The following HP1BP3 variants were observed in gnomAD, a reference collection of about 807,000 sequenced individuals.
The protein encoded by HP1BP3 is heterochromatin protein 1-binding protein 3.
HP1BP3 carries 12 observed loss-of-function variants against 62.5 expected under a neutral mutation model. That is an observed-to-expected ratio of 0.19 (90% confidence interval 0.12 to 0.31). The LOEUF (loss-of-function observed/expected upper bound fraction) is 0.31, where lower values mean the gene tolerates loss of function less well. HP1BP3 is among the 10% of genes least tolerant of loss of function. The probability of loss-of-function intolerance (pLI) is 1.00; values close to 1 mark genes in which losing one functional copy is unlikely to be tolerated. For synonymous variants in HP1BP3, 260 were observed against 237.8 expected (o/e 1.09, Z -0.86); for missense variants, 502 against 651.8 (o/e 0.77, Z 2.50).
chr1:20,766,571 G>A (rs2056794590), intron 7 of HP1BP3, among the ~76,000 whole-genome samples: 1 of 152,202 alleles, frequency 6.6e-6, no homozygotes, highest in African/African-American at 2.4e-5. Flanking sequence ...TTGGGAAGAA[G>A]AATGTTAGTA....
At chr1:20,784,505 G>A (rs1409077516) in intron 1 of HP1BP3, among the ~76,000 whole-genome samples, 4 of 137,994 alleles carry the variant, frequency 2.9e-5, no homozygotes, top group Admixed American at 7.5e-5. Flanking sequence ...TTGAGACCGA[G>A]TCTTGCTCTG....
chr1:20,771,135 C>A, intron 5 of HP1BP3, 62 bp from the exon 6 acceptor site: 1 of 1,340,050 alleles, frequency 7.5e-7, no homozygotes, highest in Non-Finnish European at 1.0e-6. Context: ...CATATATTTT[C>A]AAAATAAATT....
At position 20,745,141 on chromosome 1, in the gene HP1BP3, T is replaced by A; in HGVS notation, c.1368-50A>T. 4.6e-6 allele frequency: 7 copies of A among 1,534,990 alleles called. No individual in the cohort carries two copies. In the Middle Eastern group the frequency reaches 1.2e-3, roughly 263 times the overall value. ...CGTCATTTAGTACTTAAGAGATTCGTTTTGTTGGGACAACCAGATGCTTTC... is the reference window on the plus strand; with the variant it reads ...CGTCATTTAGTACTTAAGAGATTCGATTTGTTGGGACAACCAGATGCTTTC... On this transcript the variant is annotated intron_variant, in intron 12 of 12. Coordinates refer to ENST00000438032, the MANE Select transcript of HP1BP3 (RefSeq NM_001372052.1).
chr1:20,765,927 C>T (rs574947465), intron 7 of HP1BP3, among the ~76,000 whole-genome samples: 5 of 149,878 alleles, frequency 3.3e-5, no homozygotes, highest in South Asian at 2.1e-4. Context: ...ATGGAGCCAC[C>T]GCACTCCAGC....
intron 9 of HP1BP3, among the ~76,000 whole-genome samples, chr1:20,752,385 C>T (rs556625556): frequency 1.3e-5 from 2 of 151,962 alleles, no homozygotes; most frequent in South Asian, 4.2e-4. Flanking sequence ...ACCTCCGCCT[C>T]CCGGATTCCA....
intron 9 of HP1BP3, among the ~76,000 whole-genome samples, chr1:20,756,495 GGGAGATAGAGGCTACA>G (rs1378369845): frequency 1.3e-5 from 2 of 151,980 alleles, no homozygotes; most frequent in Non-Finnish European, 2.9e-5. Context: ...CCTTGAACCT[GGGAGATAGAGGCTACA>G]GTGAGCTGTG....
At chr1:20,752,233 T>G (rs1010782799) in intron 9 of HP1BP3, among the ~76,000 whole-genome samples, 1 of 151,122 alleles carries the variant, frequency 6.6e-6, no homozygotes, top group Non-Finnish European at 1.5e-5. Flanking sequence ...CTGTACTCAC[T>G]GCAACAAGAC....
chr1:20,761,065 G>A (rs2056439974), intron 8 of HP1BP3, among the ~76,000 whole-genome samples: 1 of 152,030 alleles, frequency 6.6e-6, no homozygotes, highest in African/African-American at 2.4e-5. Context: ...TTTATTTGGA[G>A]ACGGAGCCTC....
At chr1:20,750,321 AAACACACACACACACACAC>A (rs1216462645) in intron 9 of HP1BP3, 5 of 91,500 alleles carry the variant, frequency 5.5e-5, no homozygotes, top group African/African-American at 8.8e-5. Flanking sequence ...TCTCTACTAA[AAACACACACACACACACAC>A]ACACACACAC....
At position 20,742,062 on chromosome 1, in the gene HP1BP3, T is replaced by C. The variant is rs538655548; in HGVS notation, c.*2735A>G. ...CCTTATAGTTAACAGAACGTTAGAG[T>C]TGGAAGAAACTTTAAATGATCTAAA... On this transcript the variant is annotated 3_prime_UTR_variant, in exon 13 of 13. Transcript: ENST00000438032. Among the ~76,000 whole-genome samples, 185 of 152,244 alleles carry C rather than the reference T, an allele frequency of 1.2e-3. No individual in the cohort carries two copies. The highest frequency in any genetic ancestry group is 2.1e-3 in the Admixed American group (32 of 15,282).
At chr1:20,768,318 T>C (rs1411881706) in intron 6 of HP1BP3, among the ~76,000 whole-genome samples, 4 of 151,782 alleles carry the variant, frequency 2.6e-5, no homozygotes, top group Admixed American at 1.3e-4. Context: ...TGGTGGCGGG[T>C]GCCTGTAGTC....
chr1:20,757,945 A>C (rs929202632), intron 8 of HP1BP3, among the ~76,000 whole-genome samples: 1 of 151,952 alleles, frequency 6.6e-6, no homozygotes, highest in Non-Finnish European at 1.5e-5. Flanking sequence ...GGAGTTCGAG[A>C]CCAGCCTGGC....
At chr1:20,768,307 G>A (rs569926506) in intron 6 of HP1BP3, among the ~76,000 whole-genome samples, 4 of 152,084 alleles carry the variant, frequency 2.6e-5, no homozygotes, top group South Asian at 2.1e-4. Context: ...TTAGCCGGGC[G>A]TGGTGGCGGG....
At chr1:20,760,201 T>G (rs2056385526) in intron 8 of HP1BP3, among the ~76,000 whole-genome samples, 1 of 152,128 alleles carries the variant, frequency 6.6e-6, no homozygotes, top group African/African-American at 2.4e-5. Flanking sequence ...AGACTGATTT[T>G]TTAACTGTGA....
chr1:20,771,720 C>T (rs2057069111), intron 5 of HP1BP3, among the ~76,000 whole-genome samples: 1 of 152,154 alleles, frequency 6.6e-6, no homozygotes, highest in African/African-American at 2.4e-5. Flanking sequence ...GCAGCAAATA[C>T]TTAATTTTTT....
At chr1:20,780,864 A>T (rs1375032656) in intron 1 of HP1BP3, among the ~76,000 whole-genome samples, 1 of 152,248 alleles carries the variant, frequency 6.6e-6, no homozygotes, top group Admixed American at 6.5e-5. Context: ...GAGACTAAGG[A>T]ACAGTTAGTC....
chr1:20,745,031 C>T lies in HP1BP3; in HGVS notation c.1428G>A (p.Gly476=), dbSNP rs144705854. The change falls in exon 13 of 13, where the codon GGG becomes GGA. Residue 476 remains glycine (G), a synonymous_variant. Coordinates refer to ENST00000438032, the MANE Select transcript of HP1BP3 (RefSeq NM_001372052.1). ...CTGAGACTTTAGGTGCAGGTTTGGA[C>T]CCTCTCTGCTTCACAGATGCGGCCT... ...PGKAASVKQR[G]SKPAPKVSAA... The T allele has an allele frequency of 8.1e-6, 13 of 1,613,930 alleles. No homozygotes were observed. The African/African-American group carries it at 1.5e-4, about 18-fold the overall frequency.
chr1:20,757,014 A>G (rs2056153786), intron 9 of HP1BP3, 152 bp downstream of exon 9: 1 of 487,586 alleles, frequency 2.1e-6, no homozygotes. Context: ...CCAGACCTCA[A>G]TGTTAATTTC....
In HP1BP3 at chr1:20,744,875, T is replaced by G; in HGVS notation, c.1584A>C (p.Ala528=). 1 of 1,614,220 alleles carries G rather than the reference T, an allele frequency of 6.2e-7. No homozygotes were observed. Among genetic ancestry groups the G allele is most frequent in the Non-Finnish European group, 8.5e-7 (1 of 1,180,044 alleles). Residue 528 remains alanine, a synonymous_variant, in exon 13 of 13, where the codon GCA becomes GCC. Coordinates refer to ENST00000438032, the MANE Select transcript of HP1BP3 (RefSeq NM_001372052.1). ...KPSGGSSKKP[A]TSARKEVKLP... ...ATTTTACTTCCTTTCTTGCACTGGTTGCAGGCTTCTTTGAGGAGCCACCAC... is the reference window on the plus strand; with the variant it reads ...ATTTTACTTCCTTTCTTGCACTGGTGGCAGGCTTCTTTGAGGAGCCACCAC...
Sources: gnomAD v4.1 joint callset for allele counts (sites outside exome capture counted in the v4.1 genomes callset) on GRCh38, gnomAD v4.1.1 for gene constraint, MANE v1.5 for transcripts, NCBI Gene and HGNC (gene_info 2026-07-23, HGNC 2026-07-21) for gene names.